Variants in GRIN2A observed in about 807,000 individuals in gnomAD.
GRIN2A encodes the protein glutamate ionotropic receptor NMDA type subunit 2A.
In GRIN2A, 22 loss-of-function variants were observed where a neutral mutation model predicts 113.4. The ratio of observed to expected loss-of-function variants is 0.19; its 90% CI spans 0.14 to 0.28. The LOEUF is 0.28. GRIN2A is among the 10% of genes least tolerant of loss of function. GRIN2A has a pLI of 1.00. For synonymous variants in GRIN2A, 827 were observed against 738.4 expected (o/e 1.12, Z -1.94); for missense variants, 1,502 against 1,887.0 (o/e 0.80, Z 3.78).
intron 4 of GRIN2A, among the ~76,000 whole-genome samples, chr16:9,857,953 T>C (rs1427846953): frequency 6.6e-6 from 1 of 152,220 alleles, no homozygotes; most frequent in African/African-American, 2.4e-5. Flanking sequence ...ACAATAGCCT[T>C]ATGCTGTTTT....
At chr16:9,774,366 G>C (rs1901472491) in intron 11 of GRIN2A, among the ~76,000 whole-genome samples, 1 of 152,178 alleles carries the variant, frequency 6.6e-6, no homozygotes, top group African/African-American at 2.4e-5. Context: ...GTAAGGTCTA[G>C]ATAGTAACAC....
At chr16:9,816,753 G>A (rs2042194238) in intron 10 of GRIN2A, among the ~76,000 whole-genome samples, 1 of 152,172 alleles carries the variant, frequency 6.6e-6, no homozygotes, top group Admixed American at 6.5e-5. Flanking sequence ...GGAGTCACCT[G>A]AAGAGCTTGT....
chr16:9,847,880 T>C (rs940259289), intron 5 of GRIN2A, among the ~76,000 whole-genome samples: 3 of 147,788 alleles, frequency 2.0e-5, no homozygotes, highest in Non-Finnish European at 4.5e-5. Flanking sequence ...ACCTCATTGA[T>C]AAAATTTTCT....
intron 2 of GRIN2A, among the ~76,000 whole-genome samples, chr16:10,097,153 GC>G (rs2048310350): frequency 6.6e-6 from 1 of 152,170 alleles, no homozygotes. Flanking sequence ...CAGGCTCTGA[GC>G]CTTAGGCAGC....
intron 11 of GRIN2A, among the ~76,000 whole-genome samples, chr16:9,770,670 C>G (rs1901214904): frequency 6.6e-6 from 1 of 152,086 alleles, no homozygotes; most frequent in Non-Finnish European, 1.5e-5. Flanking sequence ...CGGCTCTGGA[C>G]TTAGTACGAT....
At chr16:10,079,875 G>C (rs2047945952) in intron 2 of GRIN2A, among the ~76,000 whole-genome samples, 1 of 152,210 alleles carries the variant, frequency 6.6e-6, no homozygotes, top group Non-Finnish European at 1.5e-5. Flanking sequence ...GGTGTAATCA[G>C]TGTGATTTTT....
chr16:9,819,822 G>A (rs898988965), intron 10 of GRIN2A, among the ~76,000 whole-genome samples: 3 of 148,462 alleles, frequency 2.0e-5, no homozygotes, highest in African/African-American at 7.4e-5. Context: ...AATTAGCTGA[G>A]TGTGTTGAGA....
chr16:10,041,248 A>G (rs1216351558), intron 2 of GRIN2A, among the ~76,000 whole-genome samples: 1 of 152,242 alleles, frequency 6.6e-6, no homozygotes, highest in African/African-American at 2.4e-5. Context: ...TACAAAAGGT[A>G]TAACGCAGAG....
At chr16:10,035,484 T>C (rs1159192698) in intron 2 of GRIN2A, among the ~76,000 whole-genome samples, 2 of 152,182 alleles carry the variant, frequency 1.3e-5, no homozygotes, top group African/African-American at 4.8e-5. Context: ...TTCAAAGCCC[T>C]TACCTATCCC....
intron 11 of GRIN2A, among the ~76,000 whole-genome samples, chr16:9,785,519 A>T (rs1902185407): frequency 1.3e-5 from 2 of 151,990 alleles, no homozygotes; most frequent in African/African-American, 4.8e-5. Flanking sequence ...CAGCACACCA[A>T]CATGGCACAT....
In GRIN2A at chr16:9,848,543, G is replaced by A. The variant is rs539210851; in HGVS notation, c.1328+1213C>T. Among the ~76,000 whole-genome samples, 221 of 150,028 alleles carry A rather than the reference G, an allele frequency of 1.5e-3. 2 individuals are homozygous for A. Among genetic ancestry groups the A allele is most frequent in the Non-Finnish European group, 2.5e-3 (169 of 67,626 alleles). Reference sequence around the variant, plus strand: ...ATGTATTTTTAATATATAAAAATACGATGTTTTATATTTTTAATGTATAAA... The same window carrying A: ...ATGTATTTTTAATATATAAAAATACAATGTTTTATATTTTTAATGTATAAA... On this transcript the variant is annotated intron_variant, in intron 5 of 12. Transcript: ENST00000330684.
At chr16:10,043,003 G>A (rs1381612757) in intron 2 of GRIN2A, among the ~76,000 whole-genome samples, 3 of 152,202 alleles carry the variant, frequency 2.0e-5, no homozygotes, top group Non-Finnish European at 2.9e-5. Context: ...TTCTGGTCAT[G>A]TGAAATAATA....
rs2042658367 is a variant in GRIN2A at position 9,840,699 on chromosome 16, G to C, written c.1599C>G (p.Ile533Met). The C allele has an allele frequency of 6.2e-7, 1 of 1,612,860 alleles. No homozygotes were observed. Among genetic ancestry groups the C allele is most frequent in the Non-Finnish European group, 8.5e-7 (1 of 1,179,724 alleles). ...CATTACTTCTTGAAACCATGACACT[G>C]ATTCCCGTTTCCACAAAGGGCACAG... ...DFSVPFVETGISVMVSRSNGT... is the reference protein window; with the variant it reads ...DFSVPFVETGMSVMVSRSNGT... The change falls in exon 7 of 13, where the codon ATC becomes ATG. Residue 533 changes from isoleucine to methionine, a missense_variant. By Grantham distance (10) the Ile-to-Met change is conservative. Around this residue, in one of 7 missense-constraint regions of GRIN2A, gnomAD observed 82 missense variants for 222.7 expected, o/e 0.37. Transcript: ENST00000330684.
In GRIN2A at chr16:9,754,328, G is replaced by C; in HGVS notation, c.*8821C>G. 4.8e-6 allele frequency: 1 copy of C among 206,222 alleles called. No individual in the cohort carries two copies. 12.8% of individuals were successfully genotyped at this position (206,222 alleles called of 1,614,324 possible). On this transcript the variant is annotated 3_prime_UTR_variant, in exon 13 of 13. Transcript: ENST00000330684. ...GTAAAGAAATCTTTGGGGACCCTCA[G>C]GTTTGGAAGGCATCTGAGCCACATC...
At chr16:10,066,927 C>CA (rs2047659567) in intron 2 of GRIN2A, among the ~76,000 whole-genome samples, 2 of 152,130 alleles carry the variant, frequency 1.3e-5, no homozygotes, top group African/African-American at 4.8e-5. Context: ...TAAATACATA[C>CA]AATTAAATAT....
chr16:10,157,580 T>G (rs1454962983), intron 2 of GRIN2A, among the ~76,000 whole-genome samples: 1 of 152,096 alleles, frequency 6.6e-6, no homozygotes, highest in Non-Finnish European at 1.5e-5. Context: ...GGGAAGCAAA[T>G]ACCTTCTTCA....
At chr16:9,955,103 G>T (rs548859502) in intron 2 of GRIN2A, among the ~76,000 whole-genome samples, 4 of 152,268 alleles carry the variant, frequency 2.6e-5, no homozygotes, top group Admixed American at 1.3e-4. Flanking sequence ...CAAGGCGAGG[G>T]TTTCACTCTC....
chr16:10,074,335 C>A (rs78756364), intron 2 of GRIN2A, among the ~76,000 whole-genome samples: 1,644 of 152,300 alleles, frequency 0.011, 35 homozygotes, highest in African/African-American at 0.038. Flanking sequence ...CAAAAAGCTA[C>A]ACATAGAACT....
chr16:9,871,447 G>C (rs1163981799), intron 4 of GRIN2A, among the ~76,000 whole-genome samples: 2 of 146,728 alleles, frequency 1.4e-5, no homozygotes, highest in Non-Finnish European at 3.0e-5. Flanking sequence ...AAAAAAAAAA[G>C]GTAAAACAAC....
Sources: allele counts gnomAD v4.1 joint callset (sites outside exome capture counted in the v4.1 genomes callset), GRCh38; gene constraint gnomAD v4.1.1; regional missense constraint gnomAD v4.1.1; transcripts MANE v1.5; gene names NCBI Gene and HGNC (gene_info 2026-07-23, HGNC 2026-07-21).